Variants in KAZN observed in about 807,000 individuals in gnomAD.
KAZN encodes the protein kazrin.
In KAZN, 40 loss-of-function variants were observed where a neutral mutation model predicts 87.4. The observed-to-expected ratio is 0.46, with a 90% CI of 0.36 to 0.60. The LOEUF (loss-of-function observed/expected upper bound fraction) is 0.60, where lower values mean the gene tolerates loss of function less well. Ranked by LOEUF, KAZN falls within the 20% of genes least tolerant of loss-of-function variation. The pLI, the probability that KAZN is intolerant of heterozygous loss-of-function variation, is 0.00. For missense variants in KAZN, 898 were observed against 1,073.9 expected (o/e 0.84, Z 2.29); for synonymous variants, 466 against 458.3 (o/e 1.02, Z -0.22).
At chr1:14,902,371 A>G (rs1189573407) in intron 1 of KAZN, among the ~76,000 whole-genome samples, 4 of 151,912 alleles carry the variant, frequency 2.6e-5, no homozygotes, top group East Asian at 1.9e-4. Flanking sequence ...GACTATAGGC[A>G]CCCGCCACCA....
At position 14,996,219 on chromosome 1, in the gene KAZN, G is replaced by C. The variant is rs974336174; in HGVS notation, c.418+35344G>C. Among the ~76,000 whole-genome samples, 17 of 152,128 alleles carry C rather than the reference G, an allele frequency of 1.1e-4. No individual in the cohort carries two copies. The highest frequency in any genetic ancestry group is 3.9e-4 in the African/African-American group (16 of 41,438). ...CTCCACCCCCAGTGCCTGGCATCTTGAACAGGGGTCACTGGGTCGGCCTTT... is the reference window on the plus strand; with the variant it reads ...CTCCACCCCCAGTGCCTGGCATCTTCAACAGGGGTCACTGGGTCGGCCTTT... On this transcript the variant is annotated intron_variant, in intron 2 of 14. Coordinates refer to ENST00000376030, the MANE Select transcript of KAZN (RefSeq NM_201628.3). This position sits in a 1 kb window ranked among gnomAD's most constrained non-coding sequence, Gnocchi z 5.9.
In KAZN at chr1:14,259,486, G is replaced by C. The variant is rs567633174; in HGVS notation, c.249+78894G>C. On this transcript the variant is annotated intron_variant, in intron 2 of 16. Transcript: ENST00000636203. ...TTAACAGTCCAACCCTCTGAGGCAC[G>C]CCTTTGCCTTTCAGTCTTAGGAACA... Among the ~76,000 whole-genome samples, 8 of 152,174 alleles carry C rather than the reference G, an allele frequency of 5.3e-5. No homozygotes were observed. In the South Asian group the frequency reaches 1.5e-3, roughly 28 times the overall value.
chr1:15,105,231 G>T (rs1272746794), intron 13 of KAZN, among the ~76,000 whole-genome samples: 1 of 152,206 alleles, frequency 6.6e-6, no homozygotes, highest in Non-Finnish European at 1.5e-5. Context: ...AGCTTGGAAG[G>T]ATTGGTGTTT....
chr1:14,407,713 G>T (rs566013325), intron 2 of KAZN, among the ~76,000 whole-genome samples: 1 of 151,726 alleles, frequency 6.6e-6, no homozygotes, highest in South Asian at 2.1e-4. Flanking sequence ...CATGCATATA[G>T]TAAGTTCTTA....
intron 1 of KAZN, among the ~76,000 whole-genome samples, chr1:13,929,482 T>C (rs1048020632): frequency 2.0e-5 from 3 of 152,162 alleles, no homozygotes; most frequent in African/African-American, 4.8e-5. Flanking sequence ...CCATCCATCA[T>C]TGCGACACCT....
chr1:14,091,154 C>A (rs1643982401), intron 1 of KAZN, among the ~76,000 whole-genome samples: 3 of 142,090 alleles, frequency 2.1e-5, no homozygotes, highest in African/African-American at 5.1e-5. Flanking sequence ...ATTCCCTTTA[C>A]AAATTTACCT....
chr1:13,962,113 G>A (rs762207518), intron 1 of KAZN, among the ~76,000 whole-genome samples: 1 of 152,166 alleles, frequency 6.6e-6, no homozygotes, highest in Non-Finnish European at 1.5e-5. Context: ...CTTCACACTT[G>A]GAGAAGTGGA....
At chr1:13,961,783 G>T in intron 1 of KAZN, among the ~76,000 whole-genome samples, 1 of 152,162 alleles carries the variant, frequency 6.6e-6, no homozygotes, top group African/African-American at 2.4e-5. Flanking sequence ...GGAATTAGCA[G>T]CCAGGATCCA....
intron 1 of KAZN, among the ~76,000 whole-genome samples, chr1:14,715,139 C>T (rs918398995): frequency 5.9e-5 from 9 of 152,110 alleles, no homozygotes; most frequent in Non-Finnish European, 1.3e-4. Context: ...ACTCTGTTGC[C>T]CAGGCTGGTC....
At chr1:14,262,168 C>G (rs1483772710) in intron 2 of KAZN, among the ~76,000 whole-genome samples, 3 of 152,118 alleles carry the variant, frequency 2.0e-5, no homozygotes, top group Admixed American at 1.3e-4. Flanking sequence ...AATCCCAGCA[C>G]TTTGGGAAGC....
At chr1:14,078,742 T>C (rs1357924936) in intron 1 of KAZN, among the ~76,000 whole-genome samples, 1 of 152,132 alleles carries the variant, frequency 6.6e-6, no homozygotes, top group Admixed American at 6.5e-5. Flanking sequence ...TGGAGTGCAG[T>C]GGTGCGATCT....
At chr1:14,679,856 G>A (rs865836231) in intron 1 of KAZN, among the ~76,000 whole-genome samples, 11 of 152,196 alleles carry the variant, frequency 7.2e-5, no homozygotes, top group Admixed American at 5.9e-4. Flanking sequence ...TTCCTGTCTC[G>A]GTCTTGTCTT....
At chr1:14,154,437 TACAA>T (rs1183981153) in intron 1 of KAZN, among the ~76,000 whole-genome samples, 1 of 152,208 alleles carries the variant, frequency 6.6e-6, no homozygotes, top group Non-Finnish European at 1.5e-5. Flanking sequence ...TCATATCATC[TACAA>T]ACAAAGATAA....
intron 2 of KAZN, among the ~76,000 whole-genome samples, chr1:14,391,244 C>T (rs1056905497): frequency 6.6e-6 from 1 of 152,188 alleles, no homozygotes; most frequent in Non-Finnish European, 1.5e-5. Context: ...GCTTCTTGGG[C>T]ACTTTTGAGG....
At chr1:14,778,234 A>C (rs1256746312) in intron 1 of KAZN, among the ~76,000 whole-genome samples, 2 of 152,182 alleles carry the variant, frequency 1.3e-5, no homozygotes, top group Non-Finnish European at 2.9e-5. Context: ...AGAGGACACA[A>C]AGGCATCCTG....
chr1:14,886,746 G>A (rs996915096), intron 1 of KAZN, among the ~76,000 whole-genome samples: 5 of 152,072 alleles, frequency 3.3e-5, no homozygotes, highest in African/African-American at 9.7e-5. Flanking sequence ...AGCCAAGATC[G>A]TGCCGTTATA....
intron 2 of KAZN, among the ~76,000 whole-genome samples, chr1:15,033,916 T>G (rs1671985945): frequency 6.6e-6 from 1 of 152,010 alleles, no homozygotes; most frequent in Admixed American, 6.6e-5. Flanking sequence ...TTTTTGGTAT[T>G]TTTAGTAGAG....
chr1:14,082,402 T>C (rs1643710603), intron 1 of KAZN, among the ~76,000 whole-genome samples: 1 of 152,112 alleles, frequency 6.6e-6, no homozygotes, highest in Non-Finnish European at 1.5e-5. Context: ...TATTGCAAGA[T>C]GTGGAGAGCT....
intron 1 of KAZN, among the ~76,000 whole-genome samples, chr1:14,870,255 G>T (rs183209280): frequency 6.6e-6 from 1 of 152,328 alleles, no homozygotes; most frequent in African/African-American, 2.4e-5. Flanking sequence ...AGGGTGAAGG[G>T]TGAGTCCCAG....
Sources: allele counts gnomAD v4.1 joint callset (sites outside exome capture counted in the v4.1 genomes callset), GRCh38; gene constraint gnomAD v4.1.1; non-coding constraint Gnocchi (gnomAD v3.1); transcripts MANE v1.5; gene names NCBI Gene and HGNC (gene_info 2026-07-23, HGNC 2026-07-21).